MARCHF8: variants seen among roughly 807,000 people sequenced by gnomAD.
The protein encoded by MARCHF8 is E3 ubiquitin-protein ligase MARCHF8.
Under a neutral mutation model 51.6 loss-of-function variants are expected in MARCHF8, and 40 were observed. The observed-to-expected ratio is 0.77, with a 90% CI of 0.60 to 1.01. The LOEUF is 1.01. Ranked by LOEUF, MARCHF8 falls within the 50% of genes least tolerant of loss-of-function variation. The pLI, the probability that MARCHF8 is intolerant of heterozygous loss-of-function variation, is 0.00. For missense variants in MARCHF8, 685 were observed against 708.6 expected, an observed-to-expected ratio of 0.97 and a Z score of 0.38; for synonymous variants, 263 against 280.3, an observed-to-expected ratio of 0.94 and a Z score of 0.62.
chr10:45,524,432 A>C (rs1399944759), intron 2 of MARCHF8, among the ~76,000 whole-genome samples: 1 of 152,222 alleles, frequency 6.6e-6, no homozygotes, highest in Non-Finnish European at 1.5e-5. Flanking sequence ...TAAACAGGTG[A>C]CAAAGAAATT....
intron 1 of MARCHF8, among the ~76,000 whole-genome samples, chr10:45,541,002 T>C (rs1489280482): frequency 3.3e-5 from 5 of 152,194 alleles, no homozygotes; most frequent in South Asian, 2.1e-4. Flanking sequence ...ATTGTGGAAG[T>C]CAGTGTGGCG....
intron 2 of MARCHF8, among the ~76,000 whole-genome samples, chr10:45,516,226 G>C (rs962336868): frequency 2.0e-4 from 31 of 152,284 alleles, no homozygotes; most frequent in African/African-American, 7.2e-4. Flanking sequence ...TCAGTTCTAA[G>C]GTTGATCACT....
At chr10:45,487,231 C>A (rs551392977) in intron 3 of MARCHF8, among the ~76,000 whole-genome samples, 1 of 152,174 alleles carries the variant, frequency 6.6e-6, no homozygotes, top group East Asian at 1.9e-4. Context: ...AAAATACCCA[C>A]AACCCAAGCC....
intron 3 of MARCHF8, among the ~76,000 whole-genome samples, chr10:45,476,993 T>TA (rs71023113): frequency 0.062 from 9,437 of 152,198 alleles, 334 homozygotes; most frequent in Non-Finnish European, 0.067. Flanking sequence ...GACATCTAGA[T>TA]ATAAGAAGCT....
intron 2 of MARCHF8, among the ~76,000 whole-genome samples, chr10:45,498,365 G>A (rs566417560): frequency 1.3e-5 from 2 of 152,068 alleles, no homozygotes; most frequent in South Asian, 4.2e-4. Context: ...CTATGATTCT[G>A]ACTACTCTAG....
intron 2 of MARCHF8, among the ~76,000 whole-genome samples, chr10:45,499,692 T>C (rs143352498): frequency 1.3e-5 from 2 of 152,320 alleles, no homozygotes; most frequent in Non-Finnish European, 2.9e-5. Context: ...GAAAAGACTG[T>C]CCTTTCCTCA....
At chr10:45,582,575 G>C (rs964324017) in intron 1 of MARCHF8, among the ~76,000 whole-genome samples, 1 of 152,174 alleles carries the variant, frequency 6.6e-6, no homozygotes, top group Non-Finnish European at 1.5e-5. Context: ...TTATAAATGA[G>C]TAAACAAGGC....
rs780068044 is a variant in MARCHF8 at position 45,458,397 on chromosome 10, T to C, written c.1564A>G (p.Asn522Asp). ...TTCTTTTTGCTTGTTTCTGGACAGT[T>C]TTGAACATAGATCACTCTATTATAG... ...KAYNRVIYVQ[N>D]CPETSKKNIF... is the part of the protein sequence containing the mutation. The change falls in exon 8 of 8, where the codon AAC becomes GAC. Residue 522 changes from asparagine (N) to aspartate (D), a missense_variant. By Grantham distance (23) the Asn-to-Asp change is conservative (BLOSUM62 1). Coordinates refer to ENST00000453424, the MANE Select transcript of MARCHF8 (RefSeq NM_001282866.2). The C allele has an allele frequency of 1.9e-6, 3 of 1,614,088 alleles. No homozygotes were observed. The African/African-American group carries it at 4.0e-5, about 22-fold the overall frequency.
At chr10:45,498,318 C>T (rs1350210117) in intron 2 of MARCHF8, among the ~76,000 whole-genome samples, 1 of 152,124 alleles carries the variant, frequency 6.6e-6, no homozygotes, top group African/African-American at 2.4e-5. Flanking sequence ...TATCTTCCTA[C>T]CCCCGAAATA....
chr10:45,593,266 T>G (rs2044701499), intron 1 of MARCHF8, among the ~76,000 whole-genome samples: 1 of 151,814 alleles, frequency 6.6e-6, no homozygotes. Context: ...TTTCAGTACA[T>G]CTCTTAAAAC....
intron 1 of MARCHF8, among the ~76,000 whole-genome samples, chr10:45,565,558 A>C (rs1435189713): frequency 3.9e-5 from 6 of 152,114 alleles, no homozygotes; most frequent in African/African-American, 1.4e-4. Context: ...GGCAAGGATA[A>C]GGATGCAACT....
At chr10:45,519,511 AT>A (rs1454011309) in intron 2 of MARCHF8, among the ~76,000 whole-genome samples, 1 of 152,256 alleles carries the variant, frequency 6.6e-6, no homozygotes, top group Non-Finnish European at 1.5e-5. Context: ...TGCAAGTCAT[AT>A]TCTCTATTAC....
At chr10:45,462,407 C>T (rs1165718600) in intron 5 of MARCHF8, among the ~76,000 whole-genome samples, 1 of 152,152 alleles carries the variant, frequency 6.6e-6, no homozygotes, top group African/African-American at 2.4e-5. Context: ...TACTGGAGAA[C>T]AGCCAGTCCC....
At chr10:45,538,929 G>A (rs2044013157), upstream of MARCHF8, among the ~76,000 whole-genome samples, 1 of 152,084 alleles carries the variant, frequency 6.6e-6, no homozygotes, top group African/African-American at 2.4e-5. Flanking sequence ...AGTTAACAAG[G>A]ATATCCAGGA....
At chr10:45,505,829 C>T (rs766198064) in intron 2 of MARCHF8, among the ~76,000 whole-genome samples, 60 of 152,318 alleles carry the variant, frequency 3.9e-4, no homozygotes, top group Non-Finnish European at 6.3e-4. Context: ...GTTCTCACCA[C>T]GAATCAATTA....
chr10:45,464,745 T>C (rs1249633139), intron 3 of MARCHF8, among the ~76,000 whole-genome samples: 2 of 152,124 alleles, frequency 1.3e-5, no homozygotes, highest in Non-Finnish European at 2.9e-5. Flanking sequence ...ACAAGGCTGG[T>C]AGATTTAAGA....
At chr10:45,521,083 C>T (rs2043698139) in intron 2 of MARCHF8, among the ~76,000 whole-genome samples, 1 of 152,160 alleles carries the variant, frequency 6.6e-6, no homozygotes. Flanking sequence ...CTATTTTCAT[C>T]ACTTGAAACT....
At chr10:45,577,379 C>T (rs1366343249) in intron 1 of MARCHF8, among the ~76,000 whole-genome samples, 1 of 152,022 alleles carries the variant, frequency 6.6e-6, no homozygotes, top group Non-Finnish European at 1.5e-5. Flanking sequence ...AATTGGATTG[C>T]TTGTAACACA....
chr10:45,519,291 T>C (rs180675398), intron 2 of MARCHF8, among the ~76,000 whole-genome samples: 4 of 152,326 alleles, frequency 2.6e-5, no homozygotes, highest in African/African-American at 9.6e-5. Flanking sequence ...GATATGACTA[T>C]GTGGCAAAAC....
Sources: gnomAD v4.1 joint callset for allele counts (sites outside exome capture counted in the v4.1 genomes callset) on GRCh38, gnomAD v4.1.1 for gene constraint, MANE v1.5 for transcripts, NCBI Gene and HGNC (gene_info 2026-07-23, HGNC 2026-07-21) for gene names.